CADPS2: variants seen among roughly 807,000 people sequenced by gnomAD.
CADPS2 encodes calcium dependent secretion activator 2, also known as calcium-dependent secretion activator 2.
Under a neutral mutation model 172.5 loss-of-function variants are expected in CADPS2, and 93 were observed. That is an observed-to-expected ratio of 0.54 (90% CI 0.46 to 0.64). CADPS2 has a LOEUF of 0.64. Ranked by LOEUF, CADPS2 falls within the 30% of genes least tolerant of loss-of-function variation. CADPS2 has a pLI of 0.00. For missense variants in CADPS2, 1,420 were observed against 1,565.9 expected (o/e 0.91, Z 1.57); for synonymous variants, 546 against 555.2 (o/e 0.98, Z 0.23).
intron 1 of CADPS2, among the ~76,000 whole-genome samples, chr7:122,810,163 T>C (rs1799720515): frequency 6.6e-6 from 1 of 152,250 alleles, no homozygotes; most frequent in African/African-American, 2.4e-5. Context: ...TACCAAGTAA[T>C]GGCTTTGCTT....
chr7:122,775,671 AT>A (rs1228670668), intron 1 of CADPS2, among the ~76,000 whole-genome samples: 15 of 152,222 alleles, frequency 9.9e-5, no homozygotes, highest in Non-Finnish European at 2.1e-4. Context: ...AATTAACACT[AT>A]AAATGATATC....
At chr7:122,877,821 C>G (rs1462221265) in intron 1 of CADPS2, among the ~76,000 whole-genome samples, 1 of 152,100 alleles carries the variant, frequency 6.6e-6, no homozygotes, top group African/African-American at 2.4e-5. Context: ...TTATAGGCAT[C>G]TCATTTCGTC....
In CADPS2 at chr7:122,737,288, G is replaced by A. The variant is rs576543931; in HGVS notation, c.340-220C>T. 1.4e-4 allele frequency among the ~76,000 whole-genome samples: 22 copies of A among 152,168 alleles called. No individual in the cohort carries two copies. In the South Asian group the frequency reaches 3.5e-3, roughly 24 times the overall value. On this transcript the variant is annotated intron_variant, in intron 1 of 29. Coordinates refer to ENST00000449022, the MANE Select transcript of CADPS2 (RefSeq NM_017954.11). ...CTTCCAGGCTGGAGTGCAGTGGTGC[G>A]ATCTCGGCTCACTGCAGCCTCCACC...
At chr7:122,532,633 C>T (rs76719194) in intron 8 of CADPS2, among the ~76,000 whole-genome samples, 30,058 of 147,876 alleles carry the variant, frequency 0.2, 3,193 homozygotes, top group East Asian at 0.35. Context: ...GTGATGCTGA[C>T]GCTGCTGGCC....
chr7:122,415,994 C>G, intron 18 of CADPS2, 67 bp downstream of exon 18: 1 of 940,414 alleles, frequency 1.1e-6, no homozygotes, highest in Non-Finnish European at 1.5e-6. Flanking sequence ...GCCACTTATT[C>G]AGTGTAGCCA....
At chr7:122,812,453 A>G (rs1173465168) in intron 1 of CADPS2, among the ~76,000 whole-genome samples, 2 of 151,834 alleles carry the variant, frequency 1.3e-5, no homozygotes, top group African/African-American at 2.4e-5. Flanking sequence ...GCAAAGAAAG[A>G]AAGAAAAAAA....
chr7:122,483,796 T>C (rs1445756712), intron 11 of CADPS2, among the ~76,000 whole-genome samples: 3 of 152,132 alleles, frequency 2.0e-5, no homozygotes, highest in African/African-American at 7.2e-5. Context: ...GGGTATACTT[T>C]AAATTCTAAA....
At chr7:122,701,140 GT>G (rs1289062104) in intron 2 of CADPS2, among the ~76,000 whole-genome samples, 2 of 152,000 alleles carry the variant, frequency 1.3e-5, no homozygotes, top group African/African-American at 4.8e-5. Context: ...CACAATCCTA[GT>G]AACTTGAAGA....
In CADPS2 at chr7:122,755,894, C is replaced by T. The variant is rs114724315; in HGVS notation, c.340-18826G>A. On this transcript the variant is annotated intron_variant, in intron 1 of 29. Coordinates refer to ENST00000449022, the MANE Select transcript of CADPS2 (RefSeq NM_017954.11). Reference sequence around the variant, plus strand: ...TTCCAAAGAATCTTTGCGATGTAGACGTTTTCCTGGATTCCACATTAAATT... The same window carrying T: ...TTCCAAAGAATCTTTGCGATGTAGATGTTTTCCTGGATTCCACATTAAATT... Among the ~76,000 whole-genome samples the T allele has an allele frequency of 4.1e-3, 620 of 152,262 alleles. 7 individuals are homozygous for T. The highest frequency in any genetic ancestry group is 0.014 in the African/African-American group (592 of 41,554).
At chr7:122,607,125 G>C (rs964361177) in intron 6 of CADPS2, among the ~76,000 whole-genome samples, 1 of 152,058 alleles carries the variant, frequency 6.6e-6, no homozygotes, top group Non-Finnish European at 1.5e-5. Flanking sequence ...CAGATTAGAC[G>C]ATCAGGAAAA....
intron 27 of CADPS2, among the ~76,000 whole-genome samples, chr7:122,358,011 G>T (rs538910753): frequency 6.6e-6 from 1 of 152,200 alleles, no homozygotes; most frequent in East Asian, 1.9e-4. Flanking sequence ...TGATTGGTGG[G>T]TTACATAGTA....
intron 1 of CADPS2, among the ~76,000 whole-genome samples, chr7:122,795,908 G>A (rs1455409641): frequency 6.6e-6 from 1 of 152,116 alleles, no homozygotes; most frequent in Non-Finnish European, 1.5e-5. Flanking sequence ...TAGGAAGAGA[G>A]AAAGTCAAAC....
chr7:122,663,472 C>T lies in CADPS2; in HGVS notation c.551G>A (p.Arg184His), dbSNP rs372484743. The T allele has an allele frequency of 6.2e-7, 1 of 1,613,870 alleles. No individual in the cohort carries two copies. Among genetic ancestry groups the T allele is most frequent in the Admixed American group, 1.7e-5 (1 of 59,998 alleles). The change falls in exon 3 of 30, where the codon CGT becomes CAT. Residue 184 changes from arginine (R) to histidine (H), a missense_variant. Coordinates refer to ENST00000449022, the MANE Select transcript of CADPS2 (RefSeq NM_017954.11). ...REVFKKNIEKRVRSLPEIDGL... is the reference protein window; with the variant it reads ...REVFKKNIEKHVRSLPEIDGL... The stretch of plus-strand genomic sequence containing the variant: ...ATCTATTTCTGGCAAACTCCGCACA[C>T]GTTTTTCTATGTTTTTCTTAAATAC...
intron 17 of CADPS2, among the ~76,000 whole-genome samples, chr7:122,417,181 C>T (rs6947805): frequency 0.12 from 18,468 of 152,094 alleles, 1,717 homozygotes; most frequent in African/African-American, 0.26. Flanking sequence ...TCTGTTCTAA[C>T]GTATTCCAAA....
intron 1 of CADPS2, among the ~76,000 whole-genome samples, chr7:122,742,095 T>C (rs1351168460): frequency 6.6e-6 from 1 of 152,096 alleles, no homozygotes; most frequent in African/African-American, 2.4e-5. Context: ...ATAGCTTTTT[T>C]AAAAATCTAA....
chr7:122,554,245 T>C (rs924957877), intron 8 of CADPS2, among the ~76,000 whole-genome samples: 3 of 152,140 alleles, frequency 2.0e-5, no homozygotes, highest in East Asian at 3.9e-4. Context: ...ATTTGAAGAA[T>C]GTTTCTTAGA....
intron 2 of CADPS2, among the ~76,000 whole-genome samples, chr7:122,723,409 CA>C (rs1282431322): frequency 6.6e-6 from 1 of 152,058 alleles, no homozygotes; most frequent in Non-Finnish European, 1.5e-5. Context: ...TTTATGCAGC[CA>C]AAAGACACAT....
intron 1 of CADPS2, 67 bp downstream of exon 1, chr7:122,885,928 GTCCC>G: frequency 6.6e-7 from 1 of 1,508,732 alleles, no homozygotes. Context: ...GACGGGAGGC[GTCCC>G]AGAGCTCTCC....
intron 16 of CADPS2, 41 bp downstream of exon 16, chr7:122,441,471 G>T: frequency 1.5e-6 from 2 of 1,358,496 alleles, no homozygotes; most frequent in South Asian, 2.8e-5. Flanking sequence ...CACAGCAACT[G>T]AGAAAGCAAA....
Sources: gnomAD v4.1 joint callset for allele counts (sites outside exome capture counted in the v4.1 genomes callset) on GRCh38, gnomAD v4.1.1 for gene constraint, MANE v1.5 for transcripts, NCBI Gene and HGNC (gene_info 2026-07-23, HGNC 2026-07-21) for gene names.